The following MCAT variants were observed in gnomAD, a reference collection of about 807,000 sequenced individuals.
MCAT encodes the protein malonyl-CoA-acyl carrier protein transacylase, mitochondrial.
MCAT carries 22 observed loss-of-function variants against 22.9 expected under a neutral mutation model. That is an observed-to-expected ratio of 0.96 (90% CI 0.69 to 1.37). The LOEUF (loss-of-function observed/expected upper bound fraction) is 1.37, where lower values mean the gene tolerates loss of function less well. Ranked by LOEUF, MCAT falls within the 40% of genes most tolerant of loss-of-function variation. The probability of loss-of-function intolerance (pLI) is 0.00; values close to 1 mark genes in which losing one functional copy is unlikely to be tolerated. For missense variants in MCAT, 534 were observed against 533.6 expected (o/e 1.00, Z -0.01); for synonymous variants, 240 against 233.9 (o/e 1.03, Z -0.24).
intron 1 of MCAT, 70 bp downstream of exon 1, chr22:43,142,856 G>T (rs934022802): frequency 7.2e-7 from 1 of 1,380,940 alleles, no homozygotes; most frequent in African/African-American, 1.5e-5. Context: ...GCAGGCGGAA[G>T]CCTCTGGCAG....
intron 3 of MCAT, 83 bp downstream of exon 3, chr22:43,136,998 G>C (rs1351017295): frequency 8.2e-7 from 1 of 1,219,606 alleles, no homozygotes; most frequent in African/African-American, 1.5e-5. Flanking sequence ...GCACCCGCCA[G>C]ACTGCTAGGC....
rs1302468847 is a variant in MCAT at position 43,133,502 on chromosome 22, G to A, written c.730-16C>T. The A allele has an allele frequency of 2.5e-6, 4 of 1,585,424 alleles. No homozygotes were observed. In the South Asian group the frequency reaches 4.5e-5, roughly 18 times the overall value. ...ACCGTAGAGCCTGGGGAAGGAAGGA[G>A]GTTTCAGCCGAGCAATGTCCCAGAA... On this transcript the variant is annotated splice_polypyrimidine_tract_variant and intron_variant, in intron 3 of 3. Transcript: ENST00000290429.
Position 43,132,960 on chromosome 22 carries a change from T to C in MCAT, c.*83A>G. The C allele has an allele frequency of 3.8e-6, 5 of 1,304,670 alleles. No individual in the cohort carries two copies. The highest frequency in any genetic ancestry group is 2.3e-5 in the East Asian group (1 of 43,008). The allele number at this position is 1,304,670 out of a possible 1,614,324, so 80.8% of individuals were successfully genotyped here. A position where few individuals can be genotyped will look rare whatever the true frequency, so the allele number is the denominator to read the frequency against. On this transcript the variant is annotated 3_prime_UTR_variant, in exon 4 of 4. Coordinates refer to ENST00000290429, the MANE Select transcript of MCAT (RefSeq NM_173467.5). ...TTTCACTCCTCAGAGGAGGAGCCAT[T>C]AGGAAGGTAGGGGGCGACAGGCACA...
rs1394705279 is a variant in MCAT at position 43,143,248 on chromosome 22, C to A, written c.101G>T (p.Gly34Val). Reference sequence around the variant, plus strand: ...CGCATCTCGCAGCAGCTCCGCTACACCCTGGGCGCCCGGCGGAGGCACCGG... The same window carrying A: ...CGCATCTCGCAGCAGCTCCGCTACAACCTGGGCGCCCGGCGGAGGCACCGG... The part of the protein sequence containing the change: ...SFPVPPPGAQ[G>V]VAELLRDATG... Residue 34 changes from glycine (G) to valine (V), a missense_variant, in exon 1 of 4, where the codon GGT becomes GTT. Coordinates refer to ENST00000290429, the MANE Select transcript of MCAT (RefSeq NM_173467.5). 6.9e-7 allele frequency: 1 copy of A among 1,458,166 alleles called. No homozygotes were observed. 90.3% of individuals were successfully genotyped at this position (1,458,166 alleles called of 1,614,324 possible).
rs76660234 is a variant in MCAT at position 43,140,858 on chromosome 22, C to T, written c.511+304G>A. ...AATATTTATTTACTCTTTAATTCAACGAATATCTACTGAACACATACTCTC... is the reference window on the plus strand; with the variant it reads ...AATATTTATTTACTCTTTAATTCAATGAATATCTACTGAACACATACTCTC... On this transcript the variant is annotated intron_variant, in intron 2 of 3. Transcript: ENST00000290429. 257 of 282,944 alleles carry T rather than the reference C, an allele frequency of 9.1e-4. 1 individual carries two copies. The highest frequency in any genetic ancestry group is 5.6e-3 in the Admixed American group (122 of 21,688). The allele number at this position is 282,944 out of a possible 1,614,324, so 17.5% of individuals were successfully genotyped here. A position where few individuals can be genotyped will look rare whatever the true frequency, so the allele number is the denominator to read the frequency against.
At chr22:43,137,050 GC>G (rs1295761628) in intron 3 of MCAT, 30 bp downstream of exon 3, 2 of 1,581,826 alleles carry the variant, frequency 1.3e-6, no homozygotes, top group East Asian at 4.5e-5. Flanking sequence ...TACTGGACTG[GC>G]CTATGAAGGC....
chr22:43,140,529 G>A (rs188273540), intron 2 of MCAT, among the ~76,000 whole-genome samples: 1 of 152,030 alleles, frequency 6.6e-6, no homozygotes, highest in Non-Finnish European at 1.5e-5. Flanking sequence ...TTGTATTTTC[G>A]GTAGAGATGG....
chr22:43,133,386 G>C lies in MCAT; in HGVS notation c.830C>G (p.Ala277Gly). The change falls in exon 4 of 4, where the codon GCC becomes GGC. Residue 277 changes from alanine (A) to glycine (G), a missense_variant. Coordinates refer to ENST00000290429, the MANE Select transcript of MCAT (RefSeq NM_173467.5). ...GAFHTRLMEP[A>G]VEPLTQALKA... ...TAAAGCTTGCGTCAGGGGCTCCACG[G>C]CTGGCTCCATGAGGCGGGTGTGGAA... 6.2e-7 allele frequency: 1 copy of C among 1,614,162 alleles called. No homozygotes were observed. The highest frequency in any genetic ancestry group is 8.5e-7 in the Non-Finnish European group (1 of 1,180,024).
At chr22:43,139,980 T>TA (rs34696331) in intron 2 of MCAT, among the ~76,000 whole-genome samples, 85 of 151,314 alleles carry the variant, frequency 5.6e-4, no homozygotes, top group Middle Eastern at 3.4e-3. Context: ...TTATAACGCT[T>TA]AAAAAAAAAG....
At chr22:43,137,004 T>C (rs544150523) in intron 3 of MCAT, 77 bp downstream of exon 3, 4 of 1,270,790 alleles carry the variant, frequency 3.1e-6, no homozygotes, top group South Asian at 1.2e-5. Flanking sequence ...GCCAGACTGC[T>C]AGGCCTCACG....
chr22:43,132,943 C>T lies in MCAT; in HGVS notation c.*100G>A. On this transcript the variant is annotated 3_prime_UTR_variant, in exon 4 of 4. Coordinates refer to ENST00000290429, the MANE Select transcript of MCAT (RefSeq NM_173467.5). ...CGTTGCAAACAAATCCCTTTCACTC[C>T]TCAGAGGAGGAGCCATTAGGAAGGT... The T allele has an allele frequency of 8.8e-7, 1 of 1,136,618 alleles. No individual in the cohort carries two copies. Among genetic ancestry groups the T allele is most frequent in the East Asian group, 2.4e-5 (1 of 42,186 alleles). The allele number at this position is 1,136,618 out of a possible 1,614,324, so 70.4% of individuals were successfully genotyped here.
rs186378616 is a variant in MCAT at position 43,138,132 on chromosome 22, C to T, written c.512-834G>A. 4.3e-4 allele frequency among the ~76,000 whole-genome samples: 65 copies of T among 152,184 alleles called. 2 individuals are homozygous for T. Among genetic ancestry groups the T allele is most frequent in the Admixed American group, 2.7e-3 (42 of 15,288 alleles). ...GTCCCAGATGCTTGGGAGGCTGACA[C>T]GGAAGGATCACTTGTGACCAGCAGG... On this transcript the variant is annotated intron_variant, in intron 2 of 3. Transcript: ENST00000290429.
At chr22:43,141,381 G>C in intron 1 of MCAT, 132 bp from the exon 2 acceptor site, 2 of 715,310 alleles carry the variant, frequency 2.8e-6, no homozygotes, top group Non-Finnish European at 4.9e-6. Context: ...GCACCAGCTG[G>C]AAGAGGACAC....
rs1297593067 is a variant in MCAT at position 43,132,729 on chromosome 22, C to G, written c.*314G>C. ...GCTGCAGCAGCCAGTCCTCCCCTTC[C>G]CGCTGAGATGGCACACCTGCCTATG... On this transcript the variant is annotated 3_prime_UTR_variant, in exon 4 of 4. Transcript: ENST00000290429. 2 of 359,188 alleles carry G rather than the reference C, an allele frequency of 5.6e-6. No homozygotes were observed. Among genetic ancestry groups the G allele is most frequent in the Non-Finnish European group, 1.0e-5 (2 of 192,622 alleles). 22.3% of individuals were successfully genotyped at this position (359,188 alleles called of 1,614,324 possible).
In MCAT at chr22:43,132,906, G is replaced by T; in HGVS notation, c.*137C>A. 1 of 719,462 alleles carries T rather than the reference G, an allele frequency of 1.4e-6. No individual in the cohort carries two copies. The allele number at this position is 719,462 out of a possible 1,614,324, so 44.6% of individuals were successfully genotyped here. A position where few individuals can be genotyped will look rare whatever the true frequency, so the allele number is the denominator to read the frequency against. On this transcript the variant is annotated 3_prime_UTR_variant, in exon 4 of 4. Transcript: ENST00000290429. ...ACTCATTTTTAGGGCTTTTTATGTG[G>T]CCTTCAAAGCACGTTGCAAACAAAT...
intron 1 of MCAT, 149 bp from the exon 2 acceptor site, chr22:43,141,398 G>C: frequency 3.0e-6 from 2 of 666,538 alleles, no homozygotes; most frequent in Non-Finnish European, 5.4e-6. Context: ...ACACACAAAA[G>C]TGACCTTGAC....
chr22:43,135,004 C>A (rs1930562212), intron 3 of MCAT, among the ~76,000 whole-genome samples: 2 of 152,278 alleles, frequency 1.3e-5, no homozygotes, highest in African/African-American at 2.4e-5. Context: ...AACAGCTGAG[C>A]CCTCTCAAGT....
At chr22:43,141,055 CTCCCT>C in intron 2 of MCAT, 102 bp downstream of exon 2, 1 of 831,742 alleles carries the variant, frequency 1.2e-6, no homozygotes, top group Non-Finnish European at 2.1e-6. Flanking sequence ...TGTCCATGTG[CTCCCT>C]TCCCATCACC....
Position 43,137,125 on chromosome 22 carries a change from T to C in MCAT, c.685A>G (p.Asn229Asp). The C allele has an allele frequency of 6.2e-7, 1 of 1,614,154 alleles. No homozygotes were observed. The highest frequency in any genetic ancestry group is 8.5e-7 in the Non-Finnish European group (1 of 1,180,028). Residue 229 changes from asparagine (N) to aspartate (D), a missense_variant, in exon 3 of 4, where the codon AAC (asparagine) becomes GAC (aspartate). Transcript: ENST00000290429. ...ACCCTGCAATCTGGAAAGAGGTAGT[T>C]GGACACTTCACATACGGGGTTCTCT... The part of the protein sequence containing the change: ...GIENPVCEVS[N>D]YLFPDCRVIS...
Sources: allele counts gnomAD v4.1 joint callset (sites outside exome capture counted in the v4.1 genomes callset), GRCh38; gene constraint gnomAD v4.1.1; transcripts MANE v1.5; gene names NCBI Gene and HGNC (gene_info 2026-07-23, HGNC 2026-07-21).